Variants in SGIP1 observed in about 807,000 individuals in gnomAD.
The protein encoded by SGIP1 is SH3-containing GRB2-like protein 3-interacting protein 1.
In SGIP1, 38 loss-of-function variants were observed where a neutral mutation model predicts 107.5. The ratio of observed to expected loss-of-function variants is 0.35; its 90% CI spans 0.27 to 0.46. The LOEUF is 0.46. Among genes scored for constraint, SGIP1 ranks in the 20% least tolerant of loss-of-function variants. The pLI is 1.00. For synonymous variants in SGIP1, 365 were observed against 366.1 expected (o/e 1.00, Z 0.03); for missense variants, 929 against 1,019.5 (o/e 0.91, Z 1.21).
intron 1 of SGIP1, among the ~76,000 whole-genome samples, chr1:66,614,662 G>T (rs1201516248): frequency 6.6e-6 from 1 of 151,878 alleles, no homozygotes; most frequent in African/African-American, 2.4e-5. Flanking sequence ...AGACTTCATA[G>T]ATCCTTATTC....
chr1:66,677,024 A>G lies in SGIP1; in HGVS notation c.667A>G (p.Ile223Val), dbSNP rs2085539119. ...KTEVLLDQPE[I>V]WGSGQPINPS... ...TCCAGTTCTTTTAGATCAGCCTGAG[A>G]TATGGGGTTCAGGCCAACCAATTAA... The change falls in exon 13 of 25, where the codon ATA (isoleucine) becomes GTA (valine). Residue 223 changes from isoleucine (I) to valine (V), a missense_variant. This residue lies in a region of SGIP1 where 588 missense variants were observed against 588.6 expected (regional missense o/e 1.00). Transcript: ENST00000371037. The G allele has an allele frequency of 1.2e-6, 2 of 1,613,492 alleles. No homozygotes were observed. The highest frequency in any genetic ancestry group is 1.7e-6 in the Non-Finnish European group (2 of 1,179,830).
At chr1:66,670,349 A>G (rs17129307) in intron 9 of SGIP1, among the ~76,000 whole-genome samples, 20,387 of 152,270 alleles carry the variant, frequency 0.13, 1,427 homozygotes, top group African/African-American at 0.16. Context: ...CAATAATATC[A>G]CAATGCCTTG....
chr1:66,653,869 C>T (rs926406524), intron 7 of SGIP1, among the ~76,000 whole-genome samples: 1 of 152,092 alleles, frequency 6.6e-6, no homozygotes, highest in Non-Finnish European at 1.5e-5. Context: ...TAGCTAAGGG[C>T]CATAGTCAGG....
chr1:66,632,607 A>G (rs778012937), intron 2 of SGIP1, among the ~76,000 whole-genome samples: 1 of 152,152 alleles, frequency 6.6e-6, no homozygotes, highest in Non-Finnish European at 1.5e-5. Context: ...GCGCCTGTGA[A>G]TAGCCACTGC....
At chr1:66,689,747 TTC>T (rs2089383474) in intron 16 of SGIP1, among the ~76,000 whole-genome samples, 1 of 152,224 alleles carries the variant, frequency 6.6e-6, no homozygotes, top group Non-Finnish European at 1.5e-5. Context: ...GTGGAAAACA[TTC>T]TGTGTGAACA....
rs749833062 is a variant in SGIP1 at position 66,750,472 on chromosome 1, A to G, written c.*7377A>G. Reference sequence around the variant, plus strand: ...GCTGTGTGTAATTTGATTTGGTGGTAGCCTTTATTTAGAGCTCTCTTTGAT... The same window carrying G: ...GCTGTGTGTAATTTGATTTGGTGGTGGCCTTTATTTAGAGCTCTCTTTGAT... On this transcript the variant is annotated 3_prime_UTR_variant, in exon 25 of 25. Transcript: ENST00000371037. 1.4e-4 allele frequency among the ~76,000 whole-genome samples: 21 copies of G among 152,308 alleles called. No individual in the cohort carries two copies. The highest frequency in any genetic ancestry group is 1.9e-4 in the Non-Finnish European group (13 of 68,016).
chr1:66,720,176 T>C (rs1233749701), intron 19 of SGIP1, among the ~76,000 whole-genome samples: 2 of 152,170 alleles, frequency 1.3e-5, no homozygotes, highest in Non-Finnish European at 2.9e-5. Context: ...TGTGCATGTG[T>C]GCATTATTCT....
intron 13 of SGIP1, among the ~76,000 whole-genome samples, chr1:66,677,559 G>C (rs575343449): frequency 4.6e-5 from 7 of 152,156 alleles, no homozygotes; most frequent in Admixed American, 1.3e-4. Context: ...GAGAACTGAG[G>C]CTATATGGTA....
In SGIP1 at chr1:66,620,012, T is replaced by C. The variant is rs551385756; in HGVS notation, c.11-5835T>C. Among the ~76,000 whole-genome samples the C allele has an allele frequency of 2.1e-4, 32 of 152,350 alleles. No individual in the cohort carries two copies. In the South Asian group the frequency reaches 6.2e-3, roughly 30 times the overall value. The stretch of plus-strand genomic sequence containing the variant: ...AAGTTTCCTTTCTAAAGGTTTCCTC[T>C]AAACAATTCTCCTTTCAGTGTAACA... On this transcript the variant is annotated intron_variant, in intron 1 of 24. Transcript: ENST00000371037.
intron 18 of SGIP1, among the ~76,000 whole-genome samples, chr1:66,710,193 A>G (rs1388784703): frequency 2.0e-5 from 3 of 152,114 alleles, no homozygotes; most frequent in African/African-American, 7.2e-5. Flanking sequence ...AAGATTCACA[A>G]TGTCACAGGA....
At chr1:66,675,531 C>CTTTTTTT (rs1467845348) in intron 12 of SGIP1, among the ~76,000 whole-genome samples, 1 of 72,042 alleles carries the variant, frequency 1.4e-5, no homozygotes, top group African/African-American at 7.6e-5. Flanking sequence ...TTTTCTTTTT[C>CTTTTTTT]TTTTTCTTTC....
At chr1:66,588,502 T>C (rs1244311137) in intron 1 of SGIP1, among the ~76,000 whole-genome samples, 3 of 152,164 alleles carry the variant, frequency 2.0e-5, no homozygotes, top group African/African-American at 7.2e-5. Flanking sequence ...TTTGAGACCA[T>C]ATACTCCAAG....
rs1293230055 is a variant in SGIP1, at chr1:66,549,174, CCTTCCTTCCT to C, written c.10+14807_10+14816del. ...TCCTTCCTTCCTTCCTTCCTTCCTT[CCTTCCTTCCT>C]TCCTTCCTTCCTTCCCTTCCTCCTG... On this transcript the variant is annotated intron_variant, in intron 1 of 24. Coordinates refer to ENST00000371037, the MANE Select transcript of SGIP1 (RefSeq NM_032291.4). Among the ~76,000 whole-genome samples, 62 of 151,558 alleles carry C rather than the reference CCTTCCTTCCT, an allele frequency of 4.1e-4. No homozygotes were observed. In the South Asian group the frequency reaches 0.013, roughly 31 times the overall value.
chr1:66,557,002 T>C (rs980433034), intron 1 of SGIP1, among the ~76,000 whole-genome samples: 1 of 152,142 alleles, frequency 6.6e-6, no homozygotes, highest in Non-Finnish European at 1.5e-5. Context: ...TCAGATTTTT[T>C]GTATTTGTAC....
chr1:66,690,047 A>G, intron 16 of SGIP1, 143 bp from the exon 17 acceptor site: 1 of 933,064 alleles, frequency 1.1e-6, no homozygotes, highest in Non-Finnish European at 1.6e-6. Flanking sequence ...ATATAGATAG[A>G]ATTAATTTCA....
intron 1 of SGIP1, among the ~76,000 whole-genome samples, chr1:66,559,841 T>C (rs971280271): frequency 8.6e-5 from 13 of 152,004 alleles, no homozygotes; most frequent in Admixed American, 8.5e-4. Context: ...TTGGCTTAGC[T>C]TAATGAAGAT....
At chr1:66,687,625 TAC>T (rs1270514248) in intron 15 of SGIP1, among the ~76,000 whole-genome samples, 1 of 152,232 alleles carries the variant, frequency 6.6e-6, no homozygotes, top group Non-Finnish European at 1.5e-5. Flanking sequence ...TGGAGGTACA[TAC>T]ACAGTTTGAG....
chr1:66,601,863 A>G (rs1202239752), intron 1 of SGIP1, among the ~76,000 whole-genome samples: 1 of 152,158 alleles, frequency 6.6e-6, no homozygotes, highest in Non-Finnish European at 1.5e-5. Context: ...TGTTGCCTGC[A>G]GTTTGAAAAA....
intron 7 of SGIP1, among the ~76,000 whole-genome samples, chr1:66,657,411 C>T (rs568478288): frequency 1.3e-5 from 2 of 152,106 alleles, no homozygotes; most frequent in Non-Finnish European, 2.9e-5. Context: ...TGTAAGTGAC[C>T]ATCAAAACTG....
Sources: gnomAD v4.1 joint callset for allele counts (sites outside exome capture counted in the v4.1 genomes callset) on GRCh38, gnomAD v4.1.1 for gene constraint, gnomAD v4.1.1 regional missense constraint, MANE v1.5 for transcripts, NCBI Gene and HGNC (gene_info 2026-07-23, HGNC 2026-07-21) for gene names.